Variants in NEGR1 observed in about 807,000 individuals in gnomAD.
NEGR1 encodes the protein neuronal growth regulator 1.
A neutral mutation model predicts 40.9 loss-of-function variants in NEGR1; 10 were observed. The ratio of observed to expected loss-of-function variants is 0.24; its 90% CI spans 0.15 to 0.42. The LOEUF (loss-of-function observed/expected upper bound fraction) is 0.42. Ranked by LOEUF, NEGR1 falls within the 10% of genes least tolerant of loss-of-function variation. NEGR1 has a pLI of 1.00. For missense variants in NEGR1, 352 were observed against 438.9 expected (o/e 0.80, Z 1.77); for synonymous variants, 185 against 166.8 (o/e 1.11, Z -0.84).
chr1:71,425,246 T>C (rs1345475862), intron 6 of NEGR1, among the ~76,000 whole-genome samples: 1 of 152,156 alleles, frequency 6.6e-6, no homozygotes, highest in African/African-American at 2.4e-5. Context: ...GCTTAAAGCA[T>C]GGAAGAGGTA....
In NEGR1 at chr1:71,398,213, G is replaced by A. The variant is rs1646224676; in HGVS notation, c.*9233C>T. Reference sequence around the variant, plus strand: ...AGAGTCCCTACTGGGACACCACGTAGTGGAGCTGTGAGAAGTGGGCCACTG... The same window carrying A: ...AGAGTCCCTACTGGGACACCACGTAATGGAGCTGTGAGAAGTGGGCCACTG... On this transcript the variant is annotated 3_prime_UTR_variant, in exon 7 of 7. Coordinates refer to ENST00000357731, the MANE Select transcript of NEGR1 (RefSeq NM_173808.3). 1 of 152,354 alleles carries A rather than the reference G, an allele frequency of 6.6e-6. No homozygotes were observed. The highest frequency in any genetic ancestry group is 2.4e-5 in the African/African-American group (1 of 41,480). The allele number at this position is 152,354 out of a possible 1,614,324, so 9.4% of individuals were successfully genotyped here. A position where few individuals can be genotyped will look rare whatever the true frequency, so the allele number is the denominator to read the frequency against.
intron 4 of NEGR1, among the ~76,000 whole-genome samples, chr1:71,620,223 G>C (rs17571116): frequency 6.6e-6 from 1 of 151,886 alleles, no homozygotes. Flanking sequence ...AACATTGCCC[G>C]TAGAGCATTA....
intron 3 of NEGR1, among the ~76,000 whole-genome samples, chr1:71,763,180 C>A (rs1021979197): frequency 6.6e-6 from 1 of 152,070 alleles, no homozygotes; most frequent in South Asian, 2.1e-4. Context: ...TAGAAATATA[C>A]ACAAACATTG....
chr1:71,841,171 A>G (rs989852295), intron 2 of NEGR1, among the ~76,000 whole-genome samples: 4 of 152,176 alleles, frequency 2.6e-5, no homozygotes, highest in Non-Finnish European at 5.9e-5. Flanking sequence ...TAGAAGGATC[A>G]AGAGATCACA....
rs369443565 is a variant in NEGR1, at chr1:71,758,209, T to G, written c.535+17963A>C. ...TATTGCCTTTTCAATAGAAGTTTAA[T>G]AATCATAAAAATGATGTTTATTCTG... On this transcript the variant is annotated intron_variant, in intron 3 of 6. Transcript: ENST00000357731. Among the ~76,000 whole-genome samples the G allele has an allele frequency of 2.6e-5, 4 of 152,240 alleles. No homozygotes were observed. The East Asian group carries it at 7.7e-4, about 29-fold the overall frequency.
intron 2 of NEGR1, among the ~76,000 whole-genome samples, chr1:71,783,570 A>T (rs1656796158): frequency 6.6e-6 from 1 of 152,208 alleles, no homozygotes; most frequent in Non-Finnish European, 1.5e-5. Flanking sequence ...AAAGATACCA[A>T]GCATGAGTTT....
chr1:71,454,631 G>A (rs7550923), intron 6 of NEGR1, among the ~76,000 whole-genome samples: 64,291 of 151,912 alleles, frequency 0.42, 14,883 homozygotes, highest in Non-Finnish European at 0.52. Flanking sequence ...CACTCAAGTG[G>A]AAGCATGAGA....
chr1:72,163,709 G>C (rs950734991), intron 1 of NEGR1, among the ~76,000 whole-genome samples: 1 of 147,488 alleles, frequency 6.8e-6, no homozygotes, highest in Non-Finnish European at 1.5e-5. Flanking sequence ...CAGATAGCTA[G>C]ATTACATAGA....
intron 2 of NEGR1, among the ~76,000 whole-genome samples, chr1:71,779,984 A>G (rs1176540898): frequency 7.2e-6 from 1 of 139,328 alleles, no homozygotes; most frequent in Non-Finnish European, 1.5e-5. Context: ...TGTGGTATAG[A>G]GAAGGGTTTT....
At chr1:72,174,280 A>C (rs1652080533) in intron 1 of NEGR1, among the ~76,000 whole-genome samples, 1 of 152,136 alleles carries the variant, frequency 6.6e-6, no homozygotes, top group Non-Finnish European at 1.5e-5. Context: ...TTTTACTATC[A>C]ATATTCCCCA....
intron 6 of NEGR1, among the ~76,000 whole-genome samples, chr1:71,569,164 C>A (rs889909087): frequency 1.3e-5 from 2 of 152,130 alleles, no homozygotes; most frequent in Non-Finnish European, 2.9e-5. Flanking sequence ...GATCCTCCTG[C>A]CTTGGCCTCC....
intron 1 of NEGR1, among the ~76,000 whole-genome samples, chr1:72,255,463 TG>T (rs1655235155): frequency 6.6e-6 from 1 of 152,090 alleles, no homozygotes; most frequent in African/African-American, 2.4e-5. Flanking sequence ...TCATTCATCC[TG>T]GGTGTTGATA....
At position 72,208,542 on chromosome 1, in the gene NEGR1, T is replaced by C. The variant is rs771572500; in HGVS notation, c.176+73777A>G. 2.0e-4 allele frequency among the ~76,000 whole-genome samples: 30 copies of C among 151,676 alleles called. No individual in the cohort carries two copies. In the South Asian group the frequency reaches 2.5e-3, roughly 13 times the overall value. On this transcript the variant is annotated intron_variant, in intron 1 of 6. Transcript: ENST00000357731. ...TAAATATCTATACTGGCATCTCTAA[T>C]AAGGCTTCTTTAAGTCAAAAATATA... is the stretch of plus-strand genomic sequence containing the variant.
chr1:71,765,170 G>T (rs1342720369), intron 3 of NEGR1, among the ~76,000 whole-genome samples: 4 of 152,144 alleles, frequency 2.6e-5, no homozygotes, highest in Non-Finnish European at 4.4e-5. Context: ...TGCACAGTTG[G>T]TCAACAGAAC....
intron 4 of NEGR1, among the ~76,000 whole-genome samples, chr1:71,683,773 A>ATGT (rs1652920365): frequency 6.9e-6 from 1 of 144,298 alleles, no homozygotes; most frequent in Non-Finnish European, 1.5e-5. Context: ...GTTACTTAGG[A>ATGT]TTTTTTTTTT....
At chr1:71,898,625 G>T (rs1648264) in intron 2 of NEGR1, among the ~76,000 whole-genome samples, 1 of 151,258 alleles carries the variant, frequency 6.6e-6, no homozygotes, top group Non-Finnish European at 1.5e-5. Flanking sequence ...AAAAAACAAA[G>T]AAACAAAAGA....
intron 1 of NEGR1, among the ~76,000 whole-genome samples, chr1:72,166,486 C>A (rs1318815912): frequency 1.3e-5 from 2 of 152,116 alleles, no homozygotes; most frequent in Admixed American, 6.5e-5. Flanking sequence ...CTCTCATGTT[C>A]ATTGCTGCGC....
intron 4 of NEGR1, among the ~76,000 whole-genome samples, chr1:71,694,982 C>T (rs1440778193): frequency 4.6e-5 from 7 of 151,850 alleles, no homozygotes; most frequent in African/African-American, 1.2e-4. Flanking sequence ...ATGCTGGTAA[C>T]GTAGACCACT....
At chr1:71,429,133 T>G (rs968754942) in intron 6 of NEGR1, among the ~76,000 whole-genome samples, 30 of 152,186 alleles carry the variant, frequency 2.0e-4, no homozygotes, top group Non-Finnish European at 4.3e-4. Flanking sequence ...TTAATTTTTT[T>G]TTCATAAACC....
Sources: allele counts gnomAD v4.1 joint callset (sites outside exome capture counted in the v4.1 genomes callset), GRCh38; gene constraint gnomAD v4.1.1; transcripts MANE v1.5; gene names NCBI Gene and HGNC (gene_info 2026-07-23, HGNC 2026-07-21).